The following OSBPL8 variants were observed in gnomAD, a reference collection of about 807,000 sequenced individuals.
OSBPL8 encodes oxysterol binding protein like 8.
A neutral mutation model predicts 125.5 loss-of-function variants in OSBPL8; 59 were observed. The observed-to-expected ratio is 0.47, with a 90% confidence interval of 0.38 to 0.58. The LOEUF (loss-of-function observed/expected upper bound fraction) is 0.58, where lower values mean the gene tolerates loss of function less well. Ranked by LOEUF, OSBPL8 falls within the 20% of genes least tolerant of loss-of-function variation. The pLI, the probability that OSBPL8 is intolerant of heterozygous loss-of-function variation, is 0.00. For missense variants in OSBPL8, 758 were observed against 1,047.8 expected (o/e 0.72, Z 3.82); for synonymous variants, 330 against 338.9 (o/e 0.97, Z 0.29).
chr12:76,516,252 A>C (rs1201485760), intron 1 of OSBPL8, among the ~76,000 whole-genome samples: 2 of 152,236 alleles, frequency 1.3e-5, no homozygotes, highest in African/African-American at 4.8e-5. Flanking sequence ...TCCTTGTGCC[A>C]GAGGAAAGAA....
At chr12:76,543,981 G>A (rs899796599) in intron 1 of OSBPL8, among the ~76,000 whole-genome samples, 4 of 151,960 alleles carry the variant, frequency 2.6e-5, no homozygotes, top group Admixed American at 2.0e-4. Flanking sequence ...TAATTCATTC[G>A]CCAACACTTT....
chr12:76,402,760 A>G lies in OSBPL8; in HGVS notation c.295T>C (p.Ser99Pro), dbSNP rs1170859963. The G allele has an allele frequency of 6.3e-7, 1 of 1,592,484 alleles. No individual in the cohort carries two copies. Among genetic ancestry groups the G allele is most frequent in the Non-Finnish European group, 8.6e-7 (1 of 1,162,574 alleles). Residue 99 changes from serine to proline, a missense_variant, in exon 6 of 24, where the codon TCT becomes CCT. Physicochemically the swap from Ser to Pro is moderately conservative, Grantham distance 74 (BLOSUM62 -1). Around this residue, in one of 3 missense-constraint regions of OSBPL8, gnomAD observed 117 missense variants for 137.1 expected, o/e 0.85. Transcript: ENST00000261183. ...TTCTCTGAGCCATTATAAAGTTTAG[A>G]TTCAGACTGAAATCATACAGAAACA... ...SLSMSKSKSE[S>P]KLYNGSEKDS...
intron 1 of OSBPL8, among the ~76,000 whole-genome samples, chr12:76,500,103 C>G (rs774520486): frequency 6.6e-6 from 1 of 152,152 alleles, no homozygotes; most frequent in African/African-American, 2.4e-5. Flanking sequence ...GTGATCATGT[C>G]GACTTAATAT....
chr12:76,544,079 A>G (rs916565186), intron 1 of OSBPL8, among the ~76,000 whole-genome samples: 7 of 152,344 alleles, frequency 4.6e-5, no homozygotes, highest in African/African-American at 1.4e-4. Context: ...TTAATACAGC[A>G]GAATTAACAT....
chr12:76,381,390 C>T (rs1953043097), intron 15 of OSBPL8, among the ~76,000 whole-genome samples: 2 of 152,164 alleles, frequency 1.3e-5, no homozygotes, highest in South Asian at 2.1e-4. Flanking sequence ...TTTTACATTA[C>T]TAAATCAATT....
At chr12:76,436,379 T>C (rs532243500) in intron 4 of OSBPL8, among the ~76,000 whole-genome samples, 1 of 152,266 alleles carries the variant, frequency 6.6e-6, no homozygotes, top group African/African-American at 2.4e-5. Flanking sequence ...TTCACATCTT[T>C]AGCATGTACC....
At chr12:76,484,508 T>C (rs1357376132) in intron 2 of OSBPL8, among the ~76,000 whole-genome samples, 1 of 152,242 alleles carries the variant, frequency 6.6e-6, no homozygotes, top group African/African-American at 2.4e-5. Context: ...ATGTGTAGCC[T>C]TGTAATAGGC....
At chr12:76,392,886 T>A in intron 9 of OSBPL8, 134 bp from the exon 10 acceptor site, 1 of 853,880 alleles carries the variant, frequency 1.2e-6, no homozygotes, top group Non-Finnish European at 1.7e-6. Context: ...AACATCTTGC[T>A]AGAATTTAAT....
intron 4 of OSBPL8, among the ~76,000 whole-genome samples, chr12:76,419,163 G>C (rs548623259): frequency 6.6e-6 from 1 of 150,720 alleles, no homozygotes; most frequent in East Asian, 2.0e-4. Context: ...TTGAACCTAG[G>C]AGGCAGAGGC....
Position 76,385,520 on chromosome 12 carries a change from G to A in OSBPL8, c.1533+648C>T, listed in dbSNP as rs149383849. ...ATAAATATTCTGTAAAAAGGTAAAC[G>A]ATACAAATGTTAAAATAAGAGCTTA... is the stretch of plus-strand genomic sequence containing the variant. On this transcript the variant is annotated intron_variant, in intron 14 of 23. Coordinates refer to ENST00000261183, the MANE Select transcript of OSBPL8 (RefSeq NM_020841.5). Among the ~76,000 whole-genome samples, 397 of 152,076 alleles carry A rather than the reference G, an allele frequency of 2.6e-3. 4 individuals carry two copies. The highest frequency in any genetic ancestry group is 0.017 in the Middle Eastern group (5 of 294).
At chr12:76,494,348 T>G (rs368658683) in intron 1 of OSBPL8, among the ~76,000 whole-genome samples, 2 of 152,110 alleles carry the variant, frequency 1.3e-5, no homozygotes, top group East Asian at 3.9e-4. Context: ...GTGGGAGTCT[T>G]TTACTCTAAG....
At chr12:76,458,452 G>A (rs958965136) in intron 3 of OSBPL8, among the ~76,000 whole-genome samples, 8 of 151,222 alleles carry the variant, frequency 5.3e-5, no homozygotes, top group African/African-American at 1.9e-4. Flanking sequence ...CACTCTGGGA[G>A]GCCAAGGCAG....
chr12:76,427,709 A>C (rs1462336730), intron 4 of OSBPL8, among the ~76,000 whole-genome samples: 1 of 152,090 alleles, frequency 6.6e-6, no homozygotes, highest in African/African-American at 2.4e-5. Flanking sequence ...TTTTAAAGTA[A>C]TACTAAGGAC....
chr12:76,431,080 A>G (rs1188466704), intron 4 of OSBPL8, among the ~76,000 whole-genome samples: 1 of 152,212 alleles, frequency 6.6e-6, no homozygotes, highest in East Asian at 1.9e-4. Context: ...TAGGAACACA[A>G]TACAGAAAGT....
At chr12:76,479,339 T>G (rs558110680) in intron 2 of OSBPL8, among the ~76,000 whole-genome samples, 1 of 152,288 alleles carries the variant, frequency 6.6e-6, no homozygotes, top group African/African-American at 2.4e-5. Flanking sequence ...ACCCACTACA[T>G]GCACACAAAA....
At chr12:76,391,115 TAAG>T (rs143497152) in intron 10 of OSBPL8, among the ~76,000 whole-genome samples, 5,209 of 152,222 alleles carry the variant, frequency 0.034, 266 homozygotes, top group African/African-American at 0.11. Context: ...TCCACCTGTA[TAAG>T]AAGGTTTCCA....
chr12:76,384,695 A>G (rs895366748), intron 14 of OSBPL8, among the ~76,000 whole-genome samples: 6 of 152,144 alleles, frequency 3.9e-5, no homozygotes, highest in Non-Finnish European at 7.3e-5. Flanking sequence ...TAGTTCTGAA[A>G]AGCCAGCTTT....
Position 76,559,554 on chromosome 12 carries a change from G to GCT in OSBPL8, c.-227_-226dup, listed in dbSNP as rs1951213368. ...TGGGGCGCGAGCCTGGACGAAGGGC[G>GCT]CTGCCCAGCGGCCGCGGAGGCACTG... On this transcript the variant is annotated 5_prime_UTR_variant, in exon 1 of 24. Transcript: ENST00000261183. 6.6e-6 allele frequency: 1 copy of GCT among 152,208 alleles called. No homozygotes were observed. The highest frequency in any genetic ancestry group is 1.5e-5 in the Non-Finnish European group (1 of 68,064). The allele number at this position is 152,208 out of a possible 1,614,324, so 9.4% of individuals were successfully genotyped here.
Position 76,487,544 on chromosome 12 carries a change from C to G in OSBPL8, c.8G>C (p.Gly3Ala). 6.2e-7 allele frequency: 1 copy of G among 1,604,536 alleles called. No individual in the cohort carries two copies. Among genetic ancestry groups the G allele is most frequent in the Non-Finnish European group, 8.5e-7 (1 of 1,176,242 alleles). Residue 3 changes from glycine to alanine, a missense_variant, in exon 2 of 24, where the codon GGA becomes GCA. Around this residue, in one of 3 missense-constraint regions of OSBPL8, gnomAD observed 117 missense variants for 137.1 expected, o/e 0.85. Coordinates refer to ENST00000261183, the MANE Select transcript of OSBPL8 (RefSeq NM_020841.5). ...ATCAGGTTCTCCATCTGCCAAACCT[C>G]CCTCCATAATGAAAGAAGATAGGTT... ME[G>A]GLADGEPDRT...
Sources: gnomAD v4.1 joint callset for allele counts (sites outside exome capture counted in the v4.1 genomes callset) on GRCh38, gnomAD v4.1.1 for gene constraint, gnomAD v4.1.1 regional missense constraint, MANE v1.5 for transcripts, NCBI Gene and HGNC (gene_info 2026-07-23, HGNC 2026-07-21) for gene names.